The following COX7A2 variants were observed in gnomAD, a reference collection of about 807,000 sequenced individuals.
The protein encoded by COX7A2 is cytochrome c oxidase subunit 7A2, mitochondrial.
Under a neutral mutation model 11.6 loss-of-function variants are expected in COX7A2, and 11 were observed. That is an observed-to-expected ratio of 0.95 (90% confidence interval 0.60 to 1.57). The LOEUF (loss-of-function observed/expected upper bound fraction) is 1.57. COX7A2 is among the 40% of genes most tolerant of loss of function. The pLI is 0.00. For synonymous variants in COX7A2, 30 were observed against 38.2 expected (o/e 0.78, Z 0.79); for missense variants, 106 against 100.9 (o/e 1.05, Z -0.22).
Position 75,241,199 on chromosome 6 carries a change from G to T in COX7A2, c.85C>A (p.Pro29Thr), listed in dbSNP as rs772589871. 1 of 1,597,092 alleles carries T rather than the reference G, an allele frequency of 6.3e-7. No individual in the cohort carries two copies. The highest frequency in any genetic ancestry group is 8.6e-7 in the Non-Finnish European group (1 of 1,167,300). The change falls in exon 2 of 4, where the codon CCG becomes ACG. Residue 29 changes from proline (P) to threonine (T), a missense_variant. Transcript: ENST00000684430. ...ACCTGGAACAGTTTTTGCTTCTCCG[G>T]AACTTTATTTTTAAAATGCCTGCGG... is the stretch of plus-strand genomic sequence containing the variant. ...ASRRHFKNKVPEKQKLFQEDD... is the reference protein window; with the variant it reads ...ASRRHFKNKVTEKQKLFQEDD...
chr6:75,243,899 CTAGAGCGGCAGTACGG>C (rs1771615248), upstream of COX7A2: 16 of 1,431,864 alleles, frequency 1.1e-5, no homozygotes, highest in Non-Finnish European at 1.5e-5. Context: ...AAAAGAAAAA[CTAGAGCGGCAGTACGG>C]CTCTATCCGC....
intron 1 of COX7A2, 86 bp from the exon 2 acceptor site, chr6:75,241,351 G>T (rs184713291): frequency 4.5e-5 from 54 of 1,198,388 alleles, no homozygotes; most frequent in Middle Eastern, 2.8e-4. Context: ...TTATAGAAAA[G>T]GTAAATTGAG....
upstream of COX7A2, chr6:75,243,825 A>T (rs757300179): frequency 6.2e-7 from 1 of 1,613,866 alleles, no homozygotes; most frequent in Non-Finnish European, 8.5e-7. Context: ...AGTCTTGCGT[A>T]TGCATTCACG....
intron 3 of COX7A2, among the ~76,000 whole-genome samples, chr6:75,238,954 G>C (rs942186624): frequency 5.3e-5 from 8 of 151,740 alleles, no homozygotes; most frequent in South Asian, 2.1e-4. Flanking sequence ...AGCTGGGATT[G>C]CAAGTGTGTG....
In COX7A2 at chr6:75,243,787, G is replaced by C. The variant is rs761515251; in HGVS notation, c.-53C>G. 6.2e-7 allele frequency: 1 copy of C among 1,613,992 alleles called. No individual in the cohort carries two copies. Among genetic ancestry groups the C allele is most frequent in the Admixed American group, 1.7e-5 (1 of 60,008 alleles). ...ACAACTGAACACCACCAACGAAAAT[G>C]GCCACGCCGGAACCGGAACTACCTC... On this transcript the variant is annotated 5_prime_UTR_variant, in exon 1 of 4. Coordinates refer to ENST00000684430, the MANE Select transcript of COX7A2 (RefSeq NM_001366293.2).
In COX7A2 at chr6:75,241,357, T is replaced by C. The variant is rs992957010; in HGVS notation, c.19-92A>G. ...TCGTTCATATTATAGAAAAGGTAAA[T>C]TGAGACTTGAAGCATATCTGATTTG... is the stretch of plus-strand genomic sequence containing the variant. On this transcript the variant is annotated intron_variant, in intron 1 of 3. Coordinates refer to ENST00000684430, the MANE Select transcript of COX7A2 (RefSeq NM_001366293.2). 2.2e-5 allele frequency: 26 copies of C among 1,162,606 alleles called. No homozygotes were observed. In the African/African-American group the frequency reaches 3.2e-4, roughly 14 times the overall value. 72.0% of individuals were successfully genotyped at this position (1,162,606 alleles called of 1,614,324 possible).
rs2149510831 is a variant in COX7A2, at chr6:75,241,285, A to C, written c.19-20T>G. ...AAGAGCCTAAAATGAAAATATTATTAAATAGACTTAGAGCCTAAAGAAACC... is the reference window on the plus strand; with the variant it reads ...AAGAGCCTAAAATGAAAATATTATTCAATAGACTTAGAGCCTAAAGAAACC... On this transcript the variant is annotated intron_variant, in intron 1 of 3. Transcript: ENST00000684430. The C allele has an allele frequency of 1.3e-6, 2 of 1,503,442 alleles. No individual in the cohort carries two copies. Among genetic ancestry groups the C allele is most frequent in the South Asian group, 2.7e-5 (2 of 74,184 alleles). The allele number at this position is 1,503,442 out of a possible 1,614,324, so 93.1% of individuals were successfully genotyped here.
At chr6:75,246,552 G>A (rs575341894), upstream of COX7A2, among the ~76,000 whole-genome samples, 1 of 152,248 alleles carries the variant, frequency 6.6e-6, no homozygotes, top group East Asian at 1.9e-4. Flanking sequence ...AACTTAAGCT[G>A]GATCATATGA....
chr6:75,240,522 A>C, intron 2 of COX7A2, 137 bp from the exon 3 acceptor site: 1 of 579,994 alleles, frequency 1.7e-6, no homozygotes, highest in Non-Finnish European at 2.9e-6. Flanking sequence ...TTAAAATTTA[A>C]AAGACCTACA....
intron 3 of COX7A2, 59 bp from the exon 4 acceptor site, chr6:75,238,047 T>C: frequency 8.4e-7 from 1 of 1,185,914 alleles, no homozygotes; most frequent in Admixed American, 2.8e-5. Context: ...AGTGTATAAA[T>C]TTAATATTCC....
chr6:75,239,235 G>A (rs781740859), intron 3 of COX7A2, among the ~76,000 whole-genome samples: 12 of 152,304 alleles, frequency 7.9e-5, no homozygotes, highest in Middle Eastern at 6.8e-3. Flanking sequence ...TGGGAAGGAG[G>A]GGACAGTCTT....
At chr6:75,246,469 T>A (rs1044344689), upstream of COX7A2, among the ~76,000 whole-genome samples, 8 of 152,198 alleles carry the variant, frequency 5.3e-5, no homozygotes, top group Non-Finnish European at 8.8e-5. Flanking sequence ...TCAGATTATG[T>A]CAAAAGCCTT....
intron 3 of COX7A2, among the ~76,000 whole-genome samples, chr6:75,238,524 G>A (rs576667128): frequency 2.8e-3 from 423 of 151,842 alleles, no homozygotes; most frequent in Non-Finnish European, 4.8e-3. Context: ...CCTCAACATG[G>A]AGAAACCCTG....
Position 75,241,283 on chromosome 6 carries a change from T to C in COX7A2, c.19-18A>G. 5.3e-6 allele frequency: 8 copies of C among 1,503,176 alleles called. No homozygotes were observed. Among genetic ancestry groups the C allele is most frequent in the Non-Finnish European group, 7.2e-6 (8 of 1,108,726 alleles). 93.1% of individuals were successfully genotyped at this position (1,503,176 alleles called of 1,614,324 possible). A position where few individuals can be genotyped will look rare whatever the true frequency, so the allele number is the denominator to read the frequency against. ...CGAAGAGCCTAAAATGAAAATATTA[T>C]TAAATAGACTTAGAGCCTAAAGAAA... is the stretch of plus-strand genomic sequence containing the variant. On this transcript the variant is annotated intron_variant, in intron 1 of 3. Transcript: ENST00000684430.
intron 1 of COX7A2, among the ~76,000 whole-genome samples, chr6:75,243,010 T>A (rs1260858226): frequency 1.3e-5 from 2 of 152,116 alleles, no homozygotes; most frequent in African/African-American, 4.8e-5. Context: ...GCACTACATA[T>A]CCAGTTGAAT....
chr6:75,239,939 T>C (rs1422234936), intron 3 of COX7A2, among the ~76,000 whole-genome samples: 1 of 152,010 alleles, frequency 6.6e-6, no homozygotes, highest in Non-Finnish European at 1.5e-5. Context: ...CCGTCTCTAC[T>C]AAAACTACAA....
intron 1 of COX7A2, among the ~76,000 whole-genome samples, chr6:75,249,533 T>A (rs1404028475): frequency 1.3e-5 from 2 of 152,252 alleles, no homozygotes; most frequent in Non-Finnish European, 2.9e-5. Context: ...AAAATGGAGA[T>A]AACAGTATTC....
intron 2 of COX7A2, 29 bp from the exon 3 acceptor site, chr6:75,240,414 A>G: frequency 7.1e-7 from 1 of 1,414,722 alleles, no homozygotes. Flanking sequence ...AAAAAAGACA[A>G]TAATAAATGT....
In COX7A2 at chr6:75,243,721, A is replaced by G. The variant is rs779853675; in HGVS notation, c.14T>C (p.Leu5Pro). The G allele has an allele frequency of 3.7e-6, 6 of 1,613,658 alleles. No individual in the cohort carries two copies. The highest frequency in any genetic ancestry group is 4.2e-6 in the Non-Finnish European group (5 of 1,179,752). ...GCAAGATGAGAAGCTCCTCACCAGC[A>G]GATTCCGCAGCATCTTGGCTGTTAC... MLRNLLALRQIGQRT... is the reference protein window; with the variant it reads MLRNPLALRQIGQRT... Residue 5 changes from leucine to proline, a missense_variant, in exon 1 of 4, where the codon CTG becomes CCG. Physicochemically the swap from Leu to Pro is moderately conservative, Grantham distance 98. Transcript: ENST00000684430.
Sources: gnomAD v4.1 joint callset for allele counts (sites outside exome capture counted in the v4.1 genomes callset) on GRCh38, gnomAD v4.1.1 for gene constraint, MANE v1.5 for transcripts, NCBI Gene and HGNC (gene_info 2026-07-23, HGNC 2026-07-21) for gene names.